Variants in LRRC34 observed in about 807,000 individuals in gnomAD.
LRRC34 encodes the protein leucine-rich repeat-containing protein 34.
LRRC34 carries 44 observed loss-of-function variants against 48.5 expected under a neutral mutation model. The observed-to-expected ratio is 0.91, with a 90% CI of 0.71 to 1.17. LRRC34 has a LOEUF of 1.17. LRRC34 is among the 50% of genes most tolerant of loss of function. The pLI, the probability that LRRC34 is intolerant of heterozygous loss-of-function variation, is 0.00. For missense variants in LRRC34, 502 were observed against 563.0 expected (o/e 0.89, Z 1.10); for synonymous variants, 192 against 197.6 (o/e 0.97, Z 0.24).
At position 169,807,719 on chromosome 3, in the gene LRRC34, T is replaced by TAAAAAAAAAAAAAAAA. The variant is rs757517929; in HGVS notation, c.258-11_258-10insTTTTTTTTTTTTTTTT. 1.6e-6 allele frequency: 1 copy of TAAAAAAAAAAAAAAAA among 640,472 alleles called. No homozygotes were observed. The highest frequency in any genetic ancestry group is 1.9e-6 in the Non-Finnish European group (1 of 522,236). 39.7% of individuals were successfully genotyped at this position (640,472 alleles called of 1,614,324 possible). ...GATTCCTGCTGCTAGCCTGTTAAAA[T>TAAAAAAAAAAAAAAAA]ACAAAAAAAAAAAAAAAAAAAAAAG... On this transcript the variant is annotated splice_polypyrimidine_tract_variant and intron_variant, in intron 2 of 10. Coordinates refer to ENST00000446859, the MANE Select transcript of LRRC34 (RefSeq NM_001172779.2).
At chr3:169,805,371 T>G (rs1378240932) in intron 5 of LRRC34, among the ~76,000 whole-genome samples, 1 of 151,714 alleles carries the variant, frequency 6.6e-6, no homozygotes, top group African/African-American at 2.4e-5. Flanking sequence ...AACCTAAAAA[T>G]GAAATTAAGA....
intron 7 of LRRC34, among the ~76,000 whole-genome samples, chr3:169,797,737 C>T (rs1779043852): frequency 6.6e-6 from 1 of 152,026 alleles, no homozygotes; most frequent in Non-Finnish European, 1.5e-5. Context: ...TTAAATGAAA[C>T]CACATAGCAA....
At chr3:169,806,993 A>G in intron 4 of LRRC34, 62 bp from the exon 5 acceptor site, 1 of 885,336 alleles carries the variant, frequency 1.1e-6, no homozygotes, top group Admixed American at 1.9e-5. Flanking sequence ...TTTTACATAC[A>G]TGTATATACA....
At chr3:169,796,462 T>A (rs1778993307) in intron 8 of LRRC34, 93 bp from the exon 9 acceptor site, 2 of 1,378,840 alleles carry the variant, frequency 1.5e-6, no homozygotes, top group South Asian at 2.7e-5. Context: ...GTACTTTCTG[T>A]TTTAGTAAAG....
At position 169,812,426 on chromosome 3, in the gene LRRC34, G is replaced by A. The variant is rs1473697556; in HGVS notation, c.123C>T (p.Ala41=). 5 of 1,529,008 alleles carry A rather than the reference G, an allele frequency of 3.3e-6. No individual in the cohort carries two copies. Among genetic ancestry groups the A allele is most frequent in the Middle Eastern group, 2.1e-4 (1 of 4,718 alleles). The allele number at this position is 1,529,008 out of a possible 1,614,324, so 94.7% of individuals were successfully genotyped here. A position where few individuals can be genotyped will look rare whatever the true frequency, so the allele number is the denominator to read the frequency against. The change falls in exon 1 of 11, where the codon GCC becomes GCT. Residue 41 remains alanine, a synonymous_variant. Transcript: ENST00000446859. This position sits in a 1 kb window ranked among gnomAD's most constrained non-coding sequence, Gnocchi z 4.3. ...ACTTCTTACCGCGCTGGACCGCCAG[G>A]GCCGCGCCCGGAGTACTGGCCTGAG... ...ASTQASTPGA[A]LAVQRESPES... is the part of the protein sequence containing the mutation.
chr3:169,796,107 A>G, intron 9 of LRRC34, 107 bp downstream of exon 9: 1 of 1,400,724 alleles, frequency 7.1e-7, no homozygotes, highest in African/African-American at 1.5e-5. Context: ...TCAGTTTAGA[A>G]GCTGAGTTTT....
rs78580387 is a variant in LRRC34, at chr3:169,812,034, C to A, written c.139+376G>T. Among the ~76,000 whole-genome samples, 13 of 152,094 alleles carry A rather than the reference C, an allele frequency of 8.5e-5. No individual in the cohort carries two copies. The highest frequency in any genetic ancestry group is 1.3e-4 in the Non-Finnish European group (9 of 68,016). On this transcript the variant is annotated intron_variant, in intron 1 of 10. Coordinates refer to ENST00000446859, the MANE Select transcript of LRRC34 (RefSeq NM_001172779.2). This position sits in a 1 kb window ranked among gnomAD's most constrained non-coding sequence, Gnocchi z 4.3. ...AACAGTATCAAGACCCTCATGCCCC[C>A]CTGTGACCTGCTCTCTGGGACTTTC...
intron 6 of LRRC34, 90 bp downstream of exon 6, chr3:169,803,963 G>C (rs1490182286): frequency 3.3e-5 from 42 of 1,283,844 alleles, no homozygotes; most frequent in Non-Finnish European, 4.3e-5. Context: ...TTAGACATAA[G>C]AGGCAAAATT....
Position 169,796,223 on chromosome 3 carries a change from C to T in LRRC34, c.1055G>A (p.Ser352Asn), listed in dbSNP as rs1171891547. The T allele has an allele frequency of 1.2e-6, 2 of 1,606,578 alleles. No homozygotes were observed. The highest frequency in any genetic ancestry group is 1.7e-6 in the Non-Finnish European group (2 of 1,178,118). ...LSETLTSHNR[S>N]LKALSVVSNN... is the part of the protein sequence containing the mutation. ...ATAAAACCATACTAACGCTTTAAGA[C>T]TCCTGTTGTGTGAAGTAAGAGTTTC... The change falls in exon 9 of 11, where the codon AGT (serine) becomes AAT (asparagine). Residue 352 changes from serine (S) to asparagine (N), a missense_variant. Coordinates refer to ENST00000446859, the MANE Select transcript of LRRC34 (RefSeq NM_001172779.2).
At position 169,812,581 on chromosome 3, in the gene LRRC34, A is replaced by G; in HGVS notation, c.-33T>C. On this transcript the variant is annotated 5_prime_UTR_variant, in exon 1 of 11. Transcript: ENST00000446859. The surrounding 1 kb of genome is among the most constrained non-coding windows in gnomAD (Gnocchi z 4.3). ...GCGCGCGCACTTACAGTCCGCCTGC[A>G]GCTGTGAGGCGGCTACACGAGCCTC... is the stretch of plus-strand genomic sequence containing the variant. The G allele has an allele frequency of 6.9e-7, 1 of 1,441,592 alleles. No individual in the cohort carries two copies. The highest frequency in any genetic ancestry group is 9.1e-7 in the Non-Finnish European group (1 of 1,104,868). 89.3% of individuals were successfully genotyped at this position (1,441,592 alleles called of 1,614,324 possible).
At chr3:169,806,779 G>C in intron 5 of LRRC34, 69 bp downstream of exon 5, 1 of 923,558 alleles carries the variant, frequency 1.1e-6, no homozygotes. Flanking sequence ...ATTGGACACT[G>C]TTGGTTCCAA....
In LRRC34 at chr3:169,804,065, AC is replaced by A. The variant is rs1221357005; in HGVS notation, c.644del (p.Gly215ValfsTer10). On this transcript the variant is annotated frameshift_variant, in exon 6 of 11. Coordinates refer to ENST00000446859, the MANE Select transcript of LRRC34 (RefSeq NM_001172779.2). LOFTEE classifies it high-confidence loss of function. Reference protein sequence around the residue: ...INSSLEKLDLGDCDLGMQSVI... With the variant: ...INSSLEKLDLXDCDLGMQSVI... Reference sequence around the variant, plus strand: ...CCAGTTTACTCACCAGATCACAGTCACCCAGATCTAATTTCTCTAATGATGA... The same window carrying A: ...CCAGTTTACTCACCAGATCACAGTCACCAGATCTAATTTCTCTAATGATGA... 6.3e-7 allele frequency: 1 copy of A among 1,589,210 alleles called. No homozygotes were observed. Among genetic ancestry groups the A allele is most frequent in the Non-Finnish European group, 8.6e-7 (1 of 1,167,532 alleles).
chr3:169,793,480 C>A lies in LRRC34; in HGVS notation c.*155G>T. ...AAAAATTACCCTACTCAGTTTTTCA[C>A]AATAGACAGTTATACAAAGTTTAAT... On this transcript the variant is annotated 3_prime_UTR_variant, in exon 11 of 11. Transcript: ENST00000446859. 2 of 541,098 alleles carry A rather than the reference C, an allele frequency of 3.7e-6. No homozygotes were observed. Among genetic ancestry groups the A allele is most frequent in the Non-Finnish European group, 6.2e-6 (2 of 324,566 alleles). 33.5% of individuals were successfully genotyped at this position (541,098 alleles called of 1,614,324 possible).
At chr3:169,801,296 A>G (rs1779179681) in intron 6 of LRRC34, among the ~76,000 whole-genome samples, 1 of 152,060 alleles carries the variant, frequency 6.6e-6, no homozygotes, top group South Asian at 2.1e-4. Flanking sequence ...TCACTCTGCC[A>G]TTCCTCTTAC....
intron 7 of LRRC34, among the ~76,000 whole-genome samples, chr3:169,799,372 G>A (rs560303873): frequency 7.6e-4 from 116 of 152,268 alleles, no homozygotes; most frequent in Non-Finnish European, 1.6e-3. Flanking sequence ...TTCAGAGTTT[G>A]GCTGGGCATG....
At chr3:169,794,681 T>G (rs1364258719) in intron 10 of LRRC34, 1 of 152,426 alleles carries the variant, frequency 6.6e-6, no homozygotes, top group Non-Finnish European at 1.5e-5. Flanking sequence ...CCCAAAGTGC[T>G]GGGATTACAG....
chr3:169,808,854 G>T lies in LRRC34; in HGVS notation c.140-109C>A. 4 of 618,324 alleles carry T rather than the reference G, an allele frequency of 6.5e-6. No individual in the cohort carries two copies. The South Asian group carries it at 7.6e-5, about 12-fold the overall frequency. 38.3% of individuals were successfully genotyped at this position (618,324 alleles called of 1,614,324 possible). ...TATGAGTTGTATGTGTGTATAGTGG[G>T]GGTAGGGAAGAAAAGGAAACAGAAT... On this transcript the variant is annotated intron_variant, in intron 1 of 10. Transcript: ENST00000446859.
At chr3:169,807,255 T>C (rs1383176312) in intron 4 of LRRC34, among the ~76,000 whole-genome samples, 171 bp downstream of exon 4, 4 of 152,210 alleles carry the variant, frequency 2.6e-5, no homozygotes, top group African/African-American at 9.6e-5. Flanking sequence ...GAGCTCTAGC[T>C]ACTGGCTCCA....
rs777894364 is a variant in LRRC34, at chr3:169,796,810, ACT to A, written c.841_842del (p.Ser281TrpfsTer7). The A allele has an allele frequency of 3.0e-5, 49 of 1,611,680 alleles. No individual in the cohort carries two copies. The highest frequency in any genetic ancestry group is 3.3e-4 in the Middle Eastern group (2 of 6,076). On this transcript the variant is annotated frameshift_variant, in exon 8 of 11. Transcript: ENST00000446859. LOFTEE classifies it high-confidence loss of function. ...GTGCATCACATAACTGTTGTATACCACTGTTTTTTATATCATGCTTACACATG... is the reference window on the plus strand; with the variant it reads ...GTGCATCACATAACTGTTGTATACCAGTTTTTTATATCATGCTTACACATG... The part of the protein sequence containing the change: ...LHMCKHDIKN[S>X]GIQQLCDALY...
Sources: gnomAD v4.1 joint callset for allele counts (sites outside exome capture counted in the v4.1 genomes callset) on GRCh38, gnomAD v4.1.1 for gene constraint, Gnocchi (gnomAD v3.1) non-coding constraint, MANE v1.5 for transcripts, NCBI Gene and HGNC (gene_info 2026-07-23, HGNC 2026-07-21) for gene names.